The following DNAJC13 variants were observed in gnomAD, a reference collection of about 807,000 sequenced individuals.
DNAJC13 encodes the protein DnaJ heat shock protein family (Hsp40) member C13, also known as dnaJ homolog subfamily C member 13.
In DNAJC13, 75 loss-of-function variants were observed where a neutral mutation model predicts 290.5. That is an observed-to-expected ratio of 0.26 (90% confidence interval 0.21 to 0.31). The LOEUF is 0.31. DNAJC13 is among the 10% of genes least tolerant of loss of function. The probability of loss-of-function intolerance (pLI) is 1.00; values close to 1 mark genes in which losing one functional copy is unlikely to be tolerated. For synonymous variants in DNAJC13, 862 were observed against 892.0 expected (o/e 0.97, Z 0.60); for missense variants, 2,260 against 2,674.5 (o/e 0.85, Z 3.42).
rs561176198 is a variant in DNAJC13, at chr3:132,489,759, A to G, written c.3468+738A>G. On this transcript the variant is annotated intron_variant, in intron 31 of 55. Coordinates refer to ENST00000260818, the MANE Select transcript of DNAJC13 (RefSeq NM_015268.4). ...ATAGAGCAGCCAATGAAGCCCTAGA[A>G]AGTAACCCATTTGTCTAATATTAAA... Among the ~76,000 whole-genome samples the G allele has an allele frequency of 6.6e-5, 10 of 152,262 alleles. No individual in the cohort carries two copies. In the East Asian group the frequency reaches 1.9e-3, roughly 29 times the overall value.
chr3:132,524,173 G>C (rs1936180554), intron 51 of DNAJC13, among the ~76,000 whole-genome samples: 1 of 152,202 alleles, frequency 6.6e-6, no homozygotes, highest in Admixed American at 6.5e-5. Context: ...CTGTGGCTGA[G>C]GCTGCCAGGA....
At chr3:132,427,157 G>T (rs1213482785) in intron 1 of DNAJC13, among the ~76,000 whole-genome samples, 2 of 143,184 alleles carry the variant, frequency 1.4e-5, no homozygotes, top group African/African-American at 2.7e-5. Flanking sequence ...TTTGAGACAG[G>T]GTCTGACTCT....
At chr3:132,532,046 GGC>G (rs1936432743) in intron 55 of DNAJC13, among the ~76,000 whole-genome samples, 1 of 152,088 alleles carries the variant, frequency 6.6e-6, no homozygotes, top group Non-Finnish European at 1.5e-5. Context: ...ATGCTAAAGA[GGC>G]AATATCTAGT....
chr3:132,453,162 A>C (rs1001729901), intron 6 of DNAJC13, 136 bp from the exon 7 acceptor site: 9 of 686,002 alleles, frequency 1.3e-5, no homozygotes, highest in Non-Finnish European at 2.1e-5. Context: ...CATTGAAACA[A>C]CTGCTTATTT....
chr3:132,530,927 T>A, intron 54 of DNAJC13, 71 bp from the exon 55 acceptor site: 1 of 1,354,372 alleles, frequency 7.4e-7, no homozygotes, highest in Non-Finnish European at 1.0e-6. Context: ...CTTTGGAAGT[T>A]GGTTTTTCTT....
intron 45 of DNAJC13, among the ~76,000 whole-genome samples, 157 bp from the exon 46 acceptor site, chr3:132,514,414 A>T (rs1345541703): frequency 6.6e-6 from 1 of 152,148 alleles, no homozygotes; most frequent in Non-Finnish European, 1.5e-5. Flanking sequence ...TTCCAAAGAG[A>T]TTAATAAAGG....
Position 132,523,663 on chromosome 3 carries a change from A to T in DNAJC13, c.6010A>T (p.Ile2004Phe). 6.2e-7 allele frequency: 1 copy of T among 1,614,080 alleles called. No homozygotes were observed. Among genetic ancestry groups the T allele is most frequent in the Non-Finnish European group, 8.5e-7 (1 of 1,179,954 alleles). The change falls in exon 51 of 56, where the codon ATT (isoleucine) becomes TTT (phenylalanine). Residue 2004 changes from isoleucine (I) to phenylalanine (F), a missense_variant. By Grantham distance (21) the Ile-to-Phe change is conservative. Coordinates refer to ENST00000260818, the MANE Select transcript of DNAJC13 (RefSeq NM_015268.4). ...WVLRKPREFL[I>F]ALLEKLTELL... ...TCTAAGAAAGCCTAGAGAATTTCTT[A>T]TTGCCCTGTTAGAAAAATTAACTGA...
intron 26 of DNAJC13, 48 bp downstream of exon 26, chr3:132,480,518 A>T (rs780871182): frequency 1.5e-6 from 2 of 1,350,520 alleles, no homozygotes; most frequent in South Asian, 2.4e-5. Flanking sequence ...CTTTGAGTAT[A>T]ATTTTAGAGG....
intron 1 of DNAJC13, among the ~76,000 whole-genome samples, chr3:132,423,635 C>T (rs1007602654): frequency 4.6e-5 from 7 of 152,072 alleles, no homozygotes; most frequent in African/African-American, 1.4e-4. Flanking sequence ...AACTGTAAAG[C>T]GCCACAGAAG....
At chr3:132,492,236 T>A (rs1559895451) in intron 32 of DNAJC13, among the ~76,000 whole-genome samples, 178 bp from the exon 33 acceptor site, 1 of 152,126 alleles carries the variant, frequency 6.6e-6, no homozygotes, top group Non-Finnish European at 1.5e-5. Flanking sequence ...TAGATAAGTT[T>A]TTTCCATGTT....
chr3:132,439,444 T>G (rs531316421), intron 2 of DNAJC13, among the ~76,000 whole-genome samples: 3 of 151,914 alleles, frequency 2.0e-5, no homozygotes, highest in Non-Finnish European at 4.4e-5. Context: ...TTTTTGTTTT[T>G]TTTTTTTTCC....
intron 26 of DNAJC13, among the ~76,000 whole-genome samples, 192 bp from the exon 27 acceptor site, chr3:132,482,034 G>GT (rs1296077454): frequency 2.0e-5 from 3 of 152,120 alleles, no homozygotes; most frequent in African/African-American, 7.2e-5. Context: ...TAAGGAAATA[G>GT]TTTTTTTGGA....
At chr3:132,504,601 C>T (rs1031247317) in intron 41 of DNAJC13, among the ~76,000 whole-genome samples, 16 of 152,150 alleles carry the variant, frequency 1.1e-4, no homozygotes, top group Non-Finnish European at 2.1e-4. Flanking sequence ...GAAAACAAGG[C>T]TTGCATGTCT....
At chr3:132,447,028 C>G (rs1349618882) in intron 3 of DNAJC13, among the ~76,000 whole-genome samples, 1 of 152,076 alleles carries the variant, frequency 6.6e-6, no homozygotes, top group East Asian at 1.9e-4. Context: ...GTTTCACAAA[C>G]TTTTTAACAA....
chr3:132,466,225 TATTA>T (rs1933976293), intron 18 of DNAJC13, 70 bp from the exon 19 acceptor site: 2 of 1,489,372 alleles, frequency 1.3e-6, no homozygotes, highest in Admixed American at 4.1e-5. Context: ...TAAGCCACAG[TATTA>T]ATTTATTTGG....
rs1935867901 is a variant in DNAJC13 at position 132,514,602 on chromosome 3, G to T, written c.5417G>T (p.Cys1806Phe). The T allele has an allele frequency of 1.2e-6, 2 of 1,611,056 alleles. No individual in the cohort carries two copies. Among genetic ancestry groups the T allele is most frequent in the Non-Finnish European group, 1.7e-6 (2 of 1,178,746 alleles). Residue 1806 changes from cysteine (C) to phenylalanine (F), a missense_variant, in exon 46 of 56, where the codon TGT (cysteine) becomes TTT (phenylalanine). By Grantham distance (205) the Cys-to-Phe change is radical. Coordinates refer to ENST00000260818, the MANE Select transcript of DNAJC13 (RefSeq NM_015268.4). Reference protein sequence around the residue: ...VVNIVTSNQDCVNNIAESMVL... With the variant: ...VVNIVTSNQDFVNNIAESMVL... Reference sequence around the variant, plus strand: ...AATATAGTGACATCTAACCAAGACTGTGTCAACAATATTGCTGAATCAATG... The same window carrying T: ...AATATAGTGACATCTAACCAAGACTTTGTCAACAATATTGCTGAATCAATG...
In DNAJC13 at chr3:132,525,805, C is replaced by T. The variant is rs776188128; in HGVS notation, c.6240+16C>T. 1.9e-6 allele frequency: 3 copies of T among 1,609,570 alleles called. No homozygotes were observed. The East Asian group carries it at 6.7e-5, about 36-fold the overall frequency. ...TGAAAATGAGGTATTGATGAATACA[C>T]TTAGTAGTTTATAAGCTCCAGAATT... is the stretch of plus-strand genomic sequence containing the variant. On this transcript the variant is annotated intron_variant, in intron 52 of 55. Transcript: ENST00000260818.
chr3:132,434,722 G>C, intron 2 of DNAJC13, 104 bp downstream of exon 2: 1 of 775,816 alleles, frequency 1.3e-6, no homozygotes, highest in Non-Finnish European at 1.9e-6. Flanking sequence ...AGGCTATACA[G>C]CCCTTCTCTT....
At chr3:132,475,271 G>C (rs1041771307) in intron 22 of DNAJC13, among the ~76,000 whole-genome samples, 186 bp downstream of exon 22, 2 of 152,000 alleles carry the variant, frequency 1.3e-5, no homozygotes, top group East Asian at 3.8e-4. Flanking sequence ...ATTTTGTTTA[G>C]TAACTTAGCT....
Sources: allele counts gnomAD v4.1 joint callset (sites outside exome capture counted in the v4.1 genomes callset), GRCh38; gene constraint gnomAD v4.1.1; transcripts MANE v1.5; gene names NCBI Gene and HGNC (gene_info 2026-07-23, HGNC 2026-07-21).